The following LAMA2 variants were observed in gnomAD, a reference collection of about 807,000 sequenced individuals.
LAMA2 encodes laminin subunit alpha-2.
Under a neutral mutation model 364.8 loss-of-function variants are expected in LAMA2, and 269 were observed. That is an observed-to-expected ratio of 0.74 (90% CI 0.67 to 0.82). The LOEUF is 0.82. Among genes scored for constraint, LAMA2 ranks in the 40% least tolerant of loss-of-function variants. The pLI is 0.00. For missense variants in LAMA2, 3,807 were observed against 3,873.2 expected (o/e 0.98, Z 0.45); for synonymous variants, 1,379 against 1,370.6 (o/e 1.01, Z -0.14).
At chr6:128,986,092 A>C (rs1233274166) in intron 1 of LAMA2, among the ~76,000 whole-genome samples, 1 of 152,136 alleles carries the variant, frequency 6.6e-6, no homozygotes, top group Non-Finnish European at 1.5e-5. Flanking sequence ...TATCTCTATG[A>C]ACTCATAGAT....
chr6:129,072,324 C>A (rs973118232), intron 3 of LAMA2, among the ~76,000 whole-genome samples: 3 of 151,630 alleles, frequency 2.0e-5, no homozygotes, highest in Admixed American at 6.6e-5. Context: ...TATTAACCAC[C>A]TTTTTAATAC....
At chr6:129,431,397 TA>T (rs35235056) in intron 41 of LAMA2, among the ~76,000 whole-genome samples, 1,350 of 98,388 alleles carry the variant, frequency 0.014, 14 homozygotes, top group African/African-American at 0.043. Context: ...AGACTCTATC[TA>T]AAAAAAAAAA....
rs1583233604 is a variant in LAMA2 at position 129,200,152 on chromosome 6, G to GTATATATA, written c.1782+7300_1782+7301insATATATAT. On this transcript the variant is annotated intron_variant, in intron 12 of 64. Transcript: ENST00000421865. ...TATATATACGTGTACACATATACAC[G>GTATATATA]TGTATATATATATACGTGTACACAT... is the stretch of plus-strand genomic sequence containing the variant. Among the ~76,000 whole-genome samples the GTATATATA allele has an allele frequency of 1.5e-5, 2 of 131,014 alleles. 1 individual carries two copies. Among genetic ancestry groups the GTATATATA allele is most frequent in the Admixed American group, 1.6e-4 (2 of 12,646 alleles). 86.0% of individuals were successfully genotyped at this position (131,014 alleles called of 152,430 possible). A position where few individuals can be genotyped will look rare whatever the true frequency, so the allele number is the denominator to read the frequency against.
chr6:129,228,035 G>A (rs966369895), intron 12 of LAMA2, among the ~76,000 whole-genome samples: 7 of 152,120 alleles, frequency 4.6e-5, no homozygotes, highest in African/African-American at 1.7e-4. Flanking sequence ...AATGGCGGGC[G>A]CCCCTCTCCC....
At chr6:129,071,221 ATAT>A (rs1273088663) in intron 3 of LAMA2, among the ~76,000 whole-genome samples, 3 of 152,166 alleles carry the variant, frequency 2.0e-5, no homozygotes, top group Non-Finnish European at 4.4e-5. Flanking sequence ...GTTGTTAGTG[ATAT>A]TATCATCTTT....
In LAMA2 at chr6:129,259,321, A is replaced by G. The variant is rs192084116; in HGVS notation, c.2097-1390A>G. Among the ~76,000 whole-genome samples, 95 of 152,214 alleles carry G rather than the reference A, an allele frequency of 6.2e-4. 1 individual carries two copies. Among genetic ancestry groups the G allele is most frequent in the African/African-American group, 2.2e-3 (93 of 41,564 alleles). On this transcript the variant is annotated intron_variant, in intron 14 of 64. Coordinates refer to ENST00000421865, the MANE Select transcript of LAMA2 (RefSeq NM_000426.4). ...CATTGATTCCCAAATCTAACAAGTT[A>G]TTTGGTAATTGTGAATCACTGATCA...
chr6:129,465,354 T>A, intron 51 of LAMA2, 65 bp downstream of exon 51: 1 of 1,304,634 alleles, frequency 7.7e-7, no homozygotes, highest in East Asian at 2.3e-5. Flanking sequence ...CACATGTACC[T>A]GATCAAGAGG....
At chr6:129,064,254 A>C (rs1320399264) in intron 3 of LAMA2, among the ~76,000 whole-genome samples, 1 of 152,014 alleles carries the variant, frequency 6.6e-6, no homozygotes, top group African/African-American at 2.4e-5. Flanking sequence ...ACTAACACTG[A>C]TAAGAAGAAG....
At chr6:129,039,230 A>G (rs1199202275) in intron 1 of LAMA2, among the ~76,000 whole-genome samples, 1 of 152,236 alleles carries the variant, frequency 6.6e-6, no homozygotes, top group East Asian at 1.9e-4. Flanking sequence ...GTCAGAAAAC[A>G]CTTTCACAGA....
chr6:129,382,929 T>G (rs1778775937), intron 34 of LAMA2, among the ~76,000 whole-genome samples, 193 bp from the exon 35 acceptor site: 1 of 152,214 alleles, frequency 6.6e-6, no homozygotes, highest in Admixed American at 6.5e-5. Flanking sequence ...TGATTTCCAT[T>G]TAATGGAAGA....
intron 10 of LAMA2, 136 bp downstream of exon 10, chr6:129,178,002 C>T: frequency 1.1e-6 from 1 of 898,562 alleles, no homozygotes; most frequent in Non-Finnish European, 1.8e-6. Flanking sequence ...CGTGTGGTGA[C>T]CCACCAGGTT....
At chr6:129,164,077 A>G (rs987632417) in intron 8 of LAMA2, among the ~76,000 whole-genome samples, 1 of 152,116 alleles carries the variant, frequency 6.6e-6, no homozygotes, top group African/African-American at 2.4e-5. Context: ...TATATCTAAT[A>G]CAGTAGTCCT....
chr6:129,092,681 G>A (rs183733440), intron 3 of LAMA2, among the ~76,000 whole-genome samples: 6 of 152,278 alleles, frequency 3.9e-5, no homozygotes, highest in Admixed American at 2.0e-4. Flanking sequence ...GGAAGGAGGC[G>A]GAGCTCAACA....
intron 41 of LAMA2, among the ~76,000 whole-genome samples, chr6:129,436,311 A>G (rs1781830863): frequency 6.6e-6 from 1 of 152,110 alleles, no homozygotes; most frequent in Admixed American, 6.6e-5. Flanking sequence ...CTACCATGCC[A>G]AATGCTTGTA....
At chr6:129,097,455 C>T (rs1045162766) in intron 3 of LAMA2, among the ~76,000 whole-genome samples, 5 of 152,198 alleles carry the variant, frequency 3.3e-5, no homozygotes, top group Non-Finnish European at 7.3e-5. Flanking sequence ...TCCATTGTCA[C>T]TCTGTTAACA....
chr6:129,078,651 T>G (rs1345559506), intron 3 of LAMA2, among the ~76,000 whole-genome samples: 2 of 152,154 alleles, frequency 1.3e-5, no homozygotes, highest in Non-Finnish European at 2.9e-5. Context: ...TTTTAAAAAG[T>G]CATGGTAAAA....
At chr6:129,097,161 G>T (rs1162827987) in intron 3 of LAMA2, among the ~76,000 whole-genome samples, 1 of 152,128 alleles carries the variant, frequency 6.6e-6, no homozygotes, top group African/African-American at 2.4e-5. Context: ...TACTAGTCAA[G>T]AACATATCAT....
intron 13 of LAMA2, among the ~76,000 whole-genome samples, chr6:129,251,286 C>T (rs1446415646): frequency 6.6e-6 from 1 of 151,876 alleles, no homozygotes; most frequent in East Asian, 1.9e-4. Flanking sequence ...AATTAGACTG[C>T]AGTCTTTTTT....
rs375954087 is a variant in LAMA2 at position 128,919,627 on chromosome 6, T to C, written c.112+36270T>C. On this transcript the variant is annotated intron_variant, in intron 1 of 64. Coordinates refer to ENST00000421865, the MANE Select transcript of LAMA2 (RefSeq NM_000426.4). ...ACAACTAGAAATCATCACTGTGGCCTTCTAATGGATATTCTTGCTTGCAAT... is the reference window on the plus strand; with the variant it reads ...ACAACTAGAAATCATCACTGTGGCCCTCTAATGGATATTCTTGCTTGCAAT... Among the ~76,000 whole-genome samples, 14 of 152,358 alleles carry C rather than the reference T, an allele frequency of 9.2e-5. No individual in the cohort carries two copies. The South Asian group carries it at 2.5e-3, about 27-fold the overall frequency.
Sources: allele counts gnomAD v4.1 joint callset (sites outside exome capture counted in the v4.1 genomes callset), GRCh38; gene constraint gnomAD v4.1.1; transcripts MANE v1.5; gene names NCBI Gene and HGNC (gene_info 2026-07-23, HGNC 2026-07-21).